Variants in ALG13 observed in about 807,000 individuals in gnomAD.
ALG13 encodes ALG13 UDP-N-acetylglucosaminyltransferase subunit.
In ALG13, 11 loss-of-function variants were observed where a neutral mutation model predicts 87.8. The ratio of observed to expected loss-of-function variants is 0.13; its 90% confidence interval spans 0.08 to 0.21. The LOEUF is 0.21. Ranked by LOEUF, ALG13 falls within the 10% of genes least tolerant of loss-of-function variation. The pLI is 1.00. For missense variants in ALG13, 756 were observed against 866.1 expected, an observed-to-expected ratio of 0.87 and a Z score of 1.60; for synonymous variants, 320 against 306.3, an observed-to-expected ratio of 1.04 and a Z score of -0.47.
intron 2 of ALG13, among the ~76,000 whole-genome samples, chrX:111,683,399 G>A (rs1223701625): frequency 1.0e-5 from 1 of 99,380 alleles, no homozygotes; most frequent in Non-Finnish European, 2.0e-5. Flanking sequence ...ATGCTATCTC[G>A]GCTCACTGCA....
chrX:111,727,524 A>C, intron 17 of ALG13, 79 bp downstream of exon 17: 1 of 1,095,170 alleles, frequency 9.1e-7, no homozygotes, highest in Non-Finnish European at 1.2e-6. Context: ...AAAAGTGTCA[A>C]CTTTGAGATA....
At position 111,682,520 on chromosome X, in the gene ALG13, G is replaced by C. The variant is rs147599245; in HGVS notation, c.244+226G>C. 5.8e-3 allele frequency among the ~76,000 whole-genome samples: 649 copies of C among 111,773 alleles called. 5 individuals carry two copies. The highest frequency in any genetic ancestry group is 9.8e-3 in the Non-Finnish European group (522 of 53,151). ...AACCTTTTCGAGGTAAAATAAAATCGCTAGCTGAACTCACTGTAGCCCTTT... is the reference window on the plus strand; with the variant it reads ...AACCTTTTCGAGGTAAAATAAAATCCCTAGCTGAACTCACTGTAGCCCTTT... On this transcript the variant is annotated intron_variant, in intron 2 of 26. Transcript: ENST00000394780.
rs1602829008 is a variant in ALG13 at position 111,737,096 on chromosome X, C to T, written c.2695+217C>T. The T allele has an allele frequency of 3.4e-5, 10 of 294,785 alleles. No individual in the cohort carries two copies. The East Asian group carries it at 5.4e-4, about 16-fold the overall frequency. 24.3% of individuals were successfully genotyped at this position (294,785 alleles called of 1,213,427 possible). On this transcript the variant is annotated intron_variant, in intron 23 of 26. Transcript: ENST00000394780. ...ATTTCGTGCTGGTAAGATTTTATAC[C>T]TTTCATTTTGCTACCTGCTGAATTA...
At chrX:111,736,003 T>TA (rs1189345641) in intron 22 of ALG13, among the ~76,000 whole-genome samples, 1 of 111,132 alleles carries the variant, frequency 9.0e-6, no homozygotes, top group Non-Finnish European at 1.9e-5. Flanking sequence ...CTTTTCTCTT[T>TA]AAAAAAGAGA....
chrX:111,718,058 T>C (rs1230803234), intron 9 of ALG13, 54 bp from the exon 10 acceptor site: 2 of 1,106,798 alleles, frequency 1.8e-6, no homozygotes, highest in African/African-American at 3.7e-5. Context: ...TATTTTCACA[T>C]AGTTAATATA....
chrX:111,686,170 G>T (rs368374130), intron 3 of ALG13: 1 of 1,109,916 alleles, frequency 9.0e-7, no homozygotes. Context: ...TTGCCAAAGG[G>T]CCAGGTCAGT....
At chrX:111,745,031 T>C in intron 24 of ALG13, 127 bp downstream of exon 24, 1 of 554,512 alleles carries the variant, frequency 1.8e-6, no homozygotes, top group South Asian at 2.8e-5. Context: ...AACACAATAC[T>C]GGAAGTGACT....
chrX:111,712,415 T>A, intron 6 of ALG13, 69 bp from the exon 7 acceptor site: 1 of 692,621 alleles, frequency 1.4e-6, no homozygotes, highest in Non-Finnish European at 2.2e-6. Flanking sequence ...TAAAAATTTG[T>A]TGTGCTTGAA....
chrX:111,712,897 C>G (rs1455050799), intron 7 of ALG13, among the ~76,000 whole-genome samples: 1 of 110,683 alleles, frequency 9.0e-6, no homozygotes, highest in Non-Finnish European at 1.9e-5. Flanking sequence ...AAAAAAATTG[C>G]CAACCTCTGC....
At chrX:111,754,244 C>T (rs996459071) in intron 25 of ALG13, among the ~76,000 whole-genome samples, 1 of 111,661 alleles carries the variant, frequency 9.0e-6, no homozygotes, top group East Asian at 2.8e-4. Flanking sequence ...TAAAAACTCT[C>T]TATAAACTAG....
At chrX:111,684,715 A>G (rs1389439680) in intron 2 of ALG13, among the ~76,000 whole-genome samples, 1 of 112,247 alleles carries the variant, frequency 8.9e-6, no homozygotes, top group Non-Finnish European at 1.9e-5. Context: ...CAAGTAGCAT[A>G]GCACTGAATC....
chrX:111,726,831 G>A lies in ALG13; in HGVS notation c.1752G>A (p.Lys584=). The A allele has an allele frequency of 1.7e-6, 2 of 1,210,959 alleles. No individual in the cohort carries two copies. Among genetic ancestry groups the A allele is most frequent in the Non-Finnish European group, 2.2e-6 (2 of 895,150 alleles). Reference sequence around the variant, plus strand: ...AAGTTATATCAGAGATGGACATAAAGCAACAGAAGAAGATGTTCAAGAAAA... The same window carrying A: ...AAGTTATATCAGAGATGGACATAAAACAACAGAAGAAGATGTTCAAGAAAA... The part of the protein sequence containing the change: ...PEIVISEMDI[K]QQKKMFKKIR... The change falls in exon 16 of 27, where the codon AAG becomes AAA. Residue 584 remains lysine, a synonymous_variant. Transcript: ENST00000394780.
At position 111,725,040 on chromosome X, in the gene ALG13, G is replaced by C; in HGVS notation, c.1708G>C (p.Gly570Arg). 3 of 1,210,967 alleles carry C rather than the reference G, an allele frequency of 2.5e-6. No individual in the cohort carries two copies. The highest frequency in any genetic ancestry group is 3.4e-6 in the Non-Finnish European group (3 of 895,030). Residue 570 changes from glycine (G) to arginine (R), a missense_variant, in exon 15 of 27, where the codon GGG becomes CGG. Coordinates refer to ENST00000394780, the MANE Select transcript of ALG13 (RefSeq NM_001099922.3). ...RKGRGYQKMPGGYVPEIVISE... is the reference protein window; with the variant it reads ...RKGRGYQKMPRGYVPEIVISE... ...AGGAAGAGGTTACCAGAAAATGCCT[G>C]GGGGTTATGTCCCGGAAATAGGTTT... is the stretch of plus-strand genomic sequence containing the variant.
intron 15 of ALG13, among the ~76,000 whole-genome samples, chrX:111,726,382 C>T (rs1249454222): frequency 2.8e-5 from 3 of 108,576 alleles, no homozygotes; most frequent in Non-Finnish European, 5.7e-5. Context: ...TACAGGCGCA[C>T]GTTACCACGC....
chrX:111,681,335 C>T, intron 1 of ALG13, 36 bp downstream of exon 1: 1 of 1,205,916 alleles, frequency 8.3e-7, no homozygotes, highest in Non-Finnish European at 1.1e-6. Context: ...CGGCTTGGCT[C>T]GCCACCCGCC....
chrX:111,696,064 A>G (rs1428970119), intron 3 of ALG13, among the ~76,000 whole-genome samples: 1 of 111,481 alleles, frequency 9.0e-6, no homozygotes, highest in African/African-American at 3.3e-5. Context: ...CTGGCTTTTC[A>G]GTAGGTTCTG....
chrX:111,698,410 T>C (rs1488606301), intron 3 of ALG13, among the ~76,000 whole-genome samples: 1 of 111,421 alleles, frequency 9.0e-6, no homozygotes, highest in Non-Finnish European at 1.9e-5. Context: ...GTACACAATA[T>C]ATTATTATTG....
intron 3 of ALG13, among the ~76,000 whole-genome samples, chrX:111,699,166 A>C (rs771216193): frequency 6.9e-4 from 76 of 110,599 alleles, no homozygotes; most frequent in Middle Eastern, 4.7e-3. Context: ...CTTTTGAGAA[A>C]TGTTCGTTTA....
chrX:111,720,490 T>C (rs1941267652), intron 11 of ALG13, among the ~76,000 whole-genome samples: 1 of 111,980 alleles, frequency 8.9e-6, no homozygotes, highest in Non-Finnish European at 1.9e-5. Context: ...GTTTTTTTCA[T>C]TAAGGAATAC....
Sources: gnomAD v4.1 joint callset for allele counts (sites outside exome capture counted in the v4.1 genomes callset) on GRCh38, gnomAD v4.1.1 for gene constraint, MANE v1.5 for transcripts, NCBI Gene and HGNC (gene_info 2026-07-23, HGNC 2026-07-21) for gene names.